Variants in CFAP299 observed in about 807,000 individuals in gnomAD.
The protein encoded by CFAP299 is cilia- and flagella-associated protein 299.
CFAP299 carries 21 observed loss-of-function variants against 27.0 expected under a neutral mutation model. That is an observed-to-expected ratio of 0.78 (90% CI 0.55 to 1.12). The LOEUF (loss-of-function observed/expected upper bound fraction) is 1.12, where lower values mean the gene tolerates loss of function less well. Among genes scored for constraint, CFAP299 ranks in the 50% most tolerant of loss-of-function variants. CFAP299 has a pLI of 0.00. For synonymous variants in CFAP299, 104 were observed against 98.1 expected, an observed-to-expected ratio of 1.06 and a Z score of -0.36; for missense variants, 310 against 276.6, an observed-to-expected ratio of 1.12 and a Z score of -0.86.
chr4:80,436,492 C>T (rs549328989), intron 2 of CFAP299, among the ~76,000 whole-genome samples: 46 of 152,094 alleles, frequency 3.0e-4, no homozygotes, highest in South Asian at 1.0e-3. Context: ...TTAGTAGAGA[C>T]GGGGTTTCAC....
chr4:80,883,431 TC>T (rs757447143), intron 4 of CFAP299, among the ~76,000 whole-genome samples: 6 of 151,220 alleles, frequency 4.0e-5, no homozygotes, highest in Non-Finnish European at 7.4e-5. Flanking sequence ...TTAAAAGTCC[TC>T]CCTATCAATA....
intron 3 of CFAP299, among the ~76,000 whole-genome samples, chr4:80,585,056 G>A (rs1387415111): frequency 1.3e-5 from 2 of 152,036 alleles, no homozygotes; most frequent in Non-Finnish European, 2.9e-5. Context: ...TGTGCCTTTA[G>A]TATAGGGAAT....
chr4:80,575,330 A>AT (rs1198785280), intron 2 of CFAP299, among the ~76,000 whole-genome samples: 152 of 145,788 alleles, frequency 1.0e-3, no homozygotes, highest in East Asian at 1.6e-3. Flanking sequence ...CTTTCATTAA[A>AT]TTTTTTTTTT....
At chr4:80,353,355 C>T (rs775166235) in intron 1 of CFAP299, among the ~76,000 whole-genome samples, 16 of 152,218 alleles carry the variant, frequency 1.1e-4, no homozygotes, top group Non-Finnish European at 1.9e-4. Flanking sequence ...ATCCTGCTTT[C>T]TTCACCCCTG....
At chr4:80,717,906 T>C (rs1255180458) in intron 3 of CFAP299, among the ~76,000 whole-genome samples, 2 of 152,158 alleles carry the variant, frequency 1.3e-5, no homozygotes, top group Non-Finnish European at 2.9e-5. Flanking sequence ...GTTTTCATTA[T>C]TGGTGACTGT....
chr4:80,376,464 A>T (rs982678747), intron 2 of CFAP299, among the ~76,000 whole-genome samples: 1 of 152,148 alleles, frequency 6.6e-6, no homozygotes, highest in Non-Finnish European at 1.5e-5. Context: ...TGGCAGCTGT[A>T]TATTTAATTT....
At chr4:80,819,470 A>G (rs1729589578) in intron 3 of CFAP299, among the ~76,000 whole-genome samples, 1 of 152,156 alleles carries the variant, frequency 6.6e-6, no homozygotes. Flanking sequence ...CATATCCACA[A>G]GACATAAGTA....
At chr4:80,878,725 G>A (rs1204220267) in intron 4 of CFAP299, among the ~76,000 whole-genome samples, 5 of 151,994 alleles carry the variant, frequency 3.3e-5, no homozygotes, top group Admixed American at 3.3e-4. Flanking sequence ...TAGAAGAAAG[G>A]ATAGTACTTG....
At chr4:80,521,704 A>G (rs945995732) in intron 2 of CFAP299, among the ~76,000 whole-genome samples, 19 of 152,150 alleles carry the variant, frequency 1.2e-4, no homozygotes, top group African/African-American at 4.1e-4. Flanking sequence ...GAGTGGAATC[A>G]TACAATATTG....
chr4:80,800,180 TA>T lies in CFAP299; in HGVS notation c.334-69811del, dbSNP rs1438598571. ...AATATATAATACATATAATATATAA[TA>T]ATATGTAATACTATATAATATAATA... On this transcript the variant is annotated intron_variant, in intron 3 of 5. Coordinates refer to ENST00000358105, the MANE Select transcript of CFAP299 (RefSeq NM_152770.3). Among the ~76,000 whole-genome samples the T allele has an allele frequency of 7.6e-3, 560 of 73,580 alleles. 10 individuals carry two copies. Among genetic ancestry groups the T allele is most frequent in the African/African-American group, 0.029 (512 of 17,688 alleles). 48.3% of individuals were successfully genotyped at this position (73,580 alleles called of 152,430 possible).
upstream of CFAP299, among the ~76,000 whole-genome samples, chr4:80,334,429 C>A (rs1007122027): frequency 3.3e-5 from 5 of 152,120 alleles, no homozygotes; most frequent in Admixed American, 3.3e-4. Flanking sequence ...AGGCGCCCAC[C>A]ATCATGCCTA....
intron 2 of CFAP299, chr4:80,386,965 T>G: frequency 1.1e-6 from 1 of 946,246 alleles, no homozygotes; most frequent in African/African-American, 1.6e-5. Context: ...GAGGACTTCT[T>G]GCACACCTGG....
intron 3 of CFAP299, among the ~76,000 whole-genome samples, chr4:80,655,669 C>T (rs559705533): frequency 2.6e-5 from 4 of 152,094 alleles, no homozygotes; most frequent in Admixed American, 1.3e-4. Flanking sequence ...TGAGTAGACA[C>T]TTCAACTTGA....
intron 2 of CFAP299, among the ~76,000 whole-genome samples, chr4:80,452,469 A>G (rs1728949293): frequency 6.6e-6 from 1 of 152,172 alleles, no homozygotes; most frequent in African/African-American, 2.4e-5. Flanking sequence ...TAGGTTTGCA[A>G]AGGCCATGGG....
chr4:80,556,204 C>T (rs973920672), intron 2 of CFAP299, among the ~76,000 whole-genome samples: 5 of 152,014 alleles, frequency 3.3e-5, no homozygotes, highest in Admixed American at 3.3e-4. Context: ...ATGGCACAAT[C>T]TCCAAAGTTA....
At chr4:80,800,058 TAA>T (rs1728324819) in intron 3 of CFAP299, among the ~76,000 whole-genome samples, 3 of 66,976 alleles carry the variant, frequency 4.5e-5, no homozygotes, top group Non-Finnish European at 7.5e-5. Context: ...ATAAATGCTA[TAA>T]TATATATTAT....
At chr4:80,353,566 T>C (rs1272175421) in intron 1 of CFAP299, among the ~76,000 whole-genome samples, 1 of 152,214 alleles carries the variant, frequency 6.6e-6, no homozygotes, top group Non-Finnish European at 1.5e-5. Context: ...ATGCCATGCT[T>C]TCTGACACTC....
chr4:80,833,618 T>C (rs530692271), intron 3 of CFAP299, among the ~76,000 whole-genome samples: 3 of 152,326 alleles, frequency 2.0e-5, no homozygotes, highest in African/African-American at 7.2e-5. Context: ...CTGGGGATTT[T>C]CTCTCCATTT....
intron 3 of CFAP299, among the ~76,000 whole-genome samples, chr4:80,818,760 T>A (rs1339216089): frequency 6.6e-6 from 1 of 152,162 alleles, no homozygotes; most frequent in Non-Finnish European, 1.5e-5. Flanking sequence ...CTAAAAATAG[T>A]GAGTTGTCAT....
Sources: gnomAD v4.1 joint callset for allele counts (sites outside exome capture counted in the v4.1 genomes callset) on GRCh38, gnomAD v4.1.1 for gene constraint, MANE v1.5 for transcripts, NCBI Gene and HGNC (gene_info 2026-07-23, HGNC 2026-07-21) for gene names.